The following SVEP1 variants were observed in gnomAD, a reference collection of about 807,000 sequenced individuals.
SVEP1 encodes the protein sushi, von Willebrand factor type A, EGF and pentraxin domain containing 1, also known as sushi, von Willebrand factor type A, EGF and pentraxin domain-containing protein 1.
A neutral mutation model predicts 367.3 loss-of-function variants in SVEP1; 164 were observed. That is an observed-to-expected ratio of 0.45 (90% CI 0.39 to 0.51). The LOEUF is 0.51. Among genes scored for constraint, SVEP1 ranks in the 20% least tolerant of loss-of-function variants. SVEP1 has a pLI of 0.00. For missense variants in SVEP1, 4,117 were observed against 4,425.3 expected, an observed-to-expected ratio of 0.93 and a Z score of 1.98; for synonymous variants, 1,666 against 1,611.6, an observed-to-expected ratio of 1.03 and a Z score of -0.81.
intron 28 of SVEP1, 23 bp downstream of exon 28, chr9:110,436,357 C>A (rs768435549): frequency 1.9e-5 from 30 of 1,613,554 alleles, no homozygotes; most frequent in Non-Finnish European, 2.4e-5. Flanking sequence ...TCATTACTGT[C>A]ATACACTGAA....
chr9:110,451,933 A>T (rs1828700300), intron 22 of SVEP1, among the ~76,000 whole-genome samples: 1 of 152,226 alleles, frequency 6.6e-6, no homozygotes, highest in African/African-American at 2.4e-5. Flanking sequence ...TATTTTACAC[A>T]TCTAGAAACA....
At chr9:110,441,553 G>A (rs1403105549) in intron 27 of SVEP1, among the ~76,000 whole-genome samples, 1 of 152,172 alleles carries the variant, frequency 6.6e-6, no homozygotes, top group Non-Finnish European at 1.5e-5. Flanking sequence ...TTGGCGCTTG[G>A]CAAATGCTCA....
chr9:110,512,738 A>G, intron 5 of SVEP1, 188 bp downstream of exon 5: 1 of 706,504 alleles, frequency 1.4e-6, no homozygotes, highest in Non-Finnish European at 2.4e-6. Context: ...TAAAAGGCGT[A>G]GTTTACAATT....
chr9:110,561,141 C>T lies in SVEP1; in HGVS notation c.532-11037G>A, dbSNP rs549571101. On this transcript the variant is annotated intron_variant, in intron 1 of 47. Transcript: ENST00000374469. ...GCACTCGATTTTAGCTACACCAATC[C>T]ATTTGGAGGTTCTGAAATACACCAT... 4.6e-5 allele frequency among the ~76,000 whole-genome samples: 7 copies of T among 152,256 alleles called. No individual in the cohort carries two copies. In the South Asian group the frequency reaches 6.2e-4, roughly 14 times the overall value.
Position 110,365,609 on chromosome 9 carries a change from A to AG in SVEP1, c.*929dup. ...TAGAGGTAGGTGACAGTGAGGACTG[A>AG]GGGGCAGCTCAGCTTTCTCTTAGGT... On this transcript the variant is annotated 3_prime_UTR_variant, in exon 48 of 48. Coordinates refer to ENST00000374469, the MANE Select transcript of SVEP1 (RefSeq NM_153366.4). 6.6e-6 allele frequency: 1 copy of AG among 152,214 alleles called. No homozygotes were observed. The highest frequency in any genetic ancestry group is 1.5e-5 in the Non-Finnish European group (1 of 68,056). 9.4% of individuals were successfully genotyped at this position (152,214 alleles called of 1,614,324 possible).
chr9:110,508,039 C>T (rs755016920), intron 5 of SVEP1, among the ~76,000 whole-genome samples: 2 of 152,172 alleles, frequency 1.3e-5, no homozygotes, highest in Non-Finnish European at 2.9e-5. Context: ...AAACATTTCA[C>T]TCAAGAATGA....
intron 23 of SVEP1, 66 bp from the exon 24 acceptor site, chr9:110,450,326 T>C: frequency 6.6e-7 from 1 of 1,525,006 alleles, no homozygotes; most frequent in Non-Finnish European, 9.0e-7. Context: ...GTAACTAAAG[T>C]GTTGACTCCC....
chr9:110,576,337 G>C (rs942570533), intron 1 of SVEP1, among the ~76,000 whole-genome samples: 3 of 152,006 alleles, frequency 2.0e-5, no homozygotes, highest in Non-Finnish European at 4.4e-5. Context: ...TTGGAAAGAA[G>C]ACTGAAATAT....
chr9:110,406,859 G>A lies in SVEP1; in HGVS notation c.8741C>T (p.Thr2914Ile), dbSNP rs1827963182. Residue 2914 changes from threonine (T) to isoleucine (I), a missense_variant, in exon 38 of 48, where the codon ACA becomes ATA. Thr to Ile is a moderately conservative substitution (Grantham distance 89). Coordinates refer to ENST00000374469, the MANE Select transcript of SVEP1 (RefSeq NM_153366.4). The part of the protein sequence containing the change: ...GLDYGFMKEV[T>I]FHCHEGYILH... ...GATGTAGCCCTCGTGACAGTGGAAT[G>A]TTACTTCCTTCATGAAGCCATAGTC... is the stretch of plus-strand genomic sequence containing the variant. The A allele has an allele frequency of 2.5e-6, 4 of 1,613,948 alleles. No individual in the cohort carries two copies. The highest frequency in any genetic ancestry group is 3.4e-6 in the Non-Finnish European group (4 of 1,179,892).
intron 46 of SVEP1, among the ~76,000 whole-genome samples, chr9:110,373,339 G>C (rs956220711): frequency 6.6e-6 from 1 of 152,118 alleles, no homozygotes; most frequent in Non-Finnish European, 1.5e-5. Flanking sequence ...TTTAGGTAGG[G>C]TGACGACTGC....
chr9:110,463,843 T>G (rs1554716928), intron 18 of SVEP1, among the ~76,000 whole-genome samples: 4 of 152,110 alleles, frequency 2.6e-5, no homozygotes, highest in Non-Finnish European at 5.9e-5. Context: ...AAAATGTTTA[T>G]CCAGCACCGC....
intron 1 of SVEP1, among the ~76,000 whole-genome samples, chr9:110,561,269 G>A (rs1252483541): frequency 6.6e-6 from 1 of 152,040 alleles, no homozygotes; most frequent in Admixed American, 6.6e-5. Context: ...TTAGATCAAA[G>A]TTTCCTCTTT....
intron 46 of SVEP1, among the ~76,000 whole-genome samples, chr9:110,374,789 A>G (rs988456669): frequency 6.6e-6 from 1 of 152,186 alleles, no homozygotes; most frequent in African/African-American, 2.4e-5. Flanking sequence ...AAACCTAAAA[A>G]CAGAACTACC....
At chr9:110,567,936 C>G (rs2118878959) in intron 1 of SVEP1, among the ~76,000 whole-genome samples, 1 of 152,286 alleles carries the variant, frequency 6.6e-6, no homozygotes, top group African/African-American at 2.4e-5. Flanking sequence ...AGGGACCAAT[C>G]CTTGGCAGTG....
In SVEP1 at chr9:110,432,483, C is replaced by T. The variant is rs370629463; in HGVS notation, c.5212G>A (p.Gly1738Ser). 50 of 1,612,562 alleles carry T rather than the reference C, an allele frequency of 3.1e-5. No individual in the cohort carries two copies. The highest frequency in any genetic ancestry group is 1.6e-4 in the Middle Eastern group (1 of 6,070). The part of the protein sequence containing the change: ...MFCTDNGSWN[G>S]VSPSCLDVDE... ...TCACCAAGGCAGGATGGTGAAACGCCGTTCCAGCTCCCATTATCTGTACAG... is the reference window on the plus strand; with the variant it reads ...TCACCAAGGCAGGATGGTGAAACGCTGTTCCAGCTCCCATTATCTGTACAG... Residue 1738 changes from glycine to serine, a missense_variant, in exon 31 of 48, where the codon GGC becomes AGC. Transcript: ENST00000374469.
At chr9:110,455,565 T>C (rs372081889) in intron 22 of SVEP1, 25 bp downstream of exon 22, 1 of 1,555,994 alleles carries the variant, frequency 6.4e-7, no homozygotes, top group Non-Finnish European at 8.8e-7. Flanking sequence ...TTTATATTGT[T>C]GAAAACAGGA....
At chr9:110,523,974 A>G (rs1008753562) in intron 3 of SVEP1, among the ~76,000 whole-genome samples, 6 of 152,148 alleles carry the variant, frequency 3.9e-5, no homozygotes, top group African/African-American at 7.2e-5. Flanking sequence ...CAAATTACCA[A>G]TATCAGGTAA....
chr9:110,540,766 G>A (rs1830134326), intron 3 of SVEP1, among the ~76,000 whole-genome samples: 2 of 152,112 alleles, frequency 1.3e-5, no homozygotes, highest in African/African-American at 4.8e-5. Context: ...AACAAAGACT[G>A]GTATTCAAGT....
intron 3 of SVEP1, among the ~76,000 whole-genome samples, chr9:110,532,687 T>C (rs1389507711): frequency 6.6e-6 from 1 of 152,188 alleles, no homozygotes; most frequent in Non-Finnish European, 1.5e-5. Flanking sequence ...TCTGTTAATA[T>C]GGAACAGGGT....
Sources: allele counts gnomAD v4.1 joint callset (sites outside exome capture counted in the v4.1 genomes callset), GRCh38; gene constraint gnomAD v4.1.1; transcripts MANE v1.5; gene names NCBI Gene and HGNC (gene_info 2026-07-23, HGNC 2026-07-21).